EHMT1: variants seen among roughly 807,000 people sequenced by gnomAD.
EHMT1 encodes the protein euchromatic histone lysine methyltransferase 1, also known as histone-lysine N-methyltransferase EHMT1.
EHMT1 carries 15 observed loss-of-function variants against 147.2 expected under a neutral mutation model. The observed-to-expected ratio is 0.10, with a 90% CI of 0.07 to 0.16. The LOEUF (loss-of-function observed/expected upper bound fraction) is 0.16, where lower values mean the gene tolerates loss of function less well. EHMT1 is among the 10% of genes least tolerant of loss of function. The pLI, the probability that EHMT1 is intolerant of heterozygous loss-of-function variation, is 1.00. For synonymous variants in EHMT1, 795 were observed against 709.6 expected (o/e 1.12, Z -1.91); for missense variants, 1,587 against 1,772.4 (o/e 0.90, Z 1.88).
At position 137,834,760 on chromosome 9, in the gene EHMT1, G is replaced by T. The variant is rs779131156; in HGVS notation, c.3717-13G>T. 2.0e-5 allele frequency: 32 copies of T among 1,613,514 alleles called. 1 individual carries two copies. In the Admixed American group the frequency reaches 5.2e-4, roughly 26 times the overall value. On this transcript the variant is annotated splice_polypyrimidine_tract_variant and intron_variant, in intron 26 of 26. Coordinates refer to ENST00000460843, the MANE Select transcript of EHMT1 (RefSeq NM_024757.5). ...GGATTCGACTTGGAGCCTTGGTTCT[G>T]TTCCCTCCCCAGGTTTGACTATGGA...
chr9:137,783,971 C>G, intron 15 of EHMT1: 1 of 440,226 alleles, frequency 2.3e-6, no homozygotes, highest in Non-Finnish European at 4.0e-6. Context: ...TTAATAGGAA[C>G]TTTTAGTCCT....
At chr9:137,830,940 A>C (rs1048282168) in intron 25 of EHMT1, among the ~76,000 whole-genome samples, 2 of 152,192 alleles carry the variant, frequency 1.3e-5, no homozygotes, top group South Asian at 2.1e-4. Flanking sequence ...CTTACAAATA[A>C]CAGGAATGTA....
chr9:137,823,513 G>A (rs1327681931), intron 25 of EHMT1: 45 of 284,572 alleles, frequency 1.6e-4, no homozygotes, highest in African/African-American at 7.6e-4. Context: ...CCGGATTCAC[G>A]CCATTCTCCT....
At chr9:137,715,909 T>C in intron 2 of EHMT1, 2 of 896,430 alleles carry the variant, frequency 2.2e-6, no homozygotes, top group Non-Finnish European at 2.7e-6. Flanking sequence ...CGTTAATGCT[T>C]AAGAAATGTT....
chr9:137,663,432 C>T (rs756867163), intron 1 of EHMT1, among the ~76,000 whole-genome samples: 120 of 152,248 alleles, frequency 7.9e-4, no homozygotes, highest in Non-Finnish European at 1.2e-3. Context: ...GTAGCAGCGT[C>T]CTGTGTGCTG....
At chr9:137,790,499 C>T (rs1446668737) in intron 15 of EHMT1, among the ~76,000 whole-genome samples, 1 of 152,210 alleles carries the variant, frequency 6.6e-6, no homozygotes, top group East Asian at 1.9e-4. Context: ...TCCCTCCTGC[C>T]TCCTCTCTGC....
intron 1 of EHMT1, among the ~76,000 whole-genome samples, chr9:137,691,105 C>T (rs112298271): frequency 1.3e-5 from 2 of 151,978 alleles, no homozygotes; most frequent in African/African-American, 4.8e-5. Flanking sequence ...CTCCATTCCT[C>T]CCTCCCCTCA....
In EHMT1 at chr9:137,757,993, C is replaced by A. The variant is rs1453642714; in HGVS notation, c.1483C>A (p.Leu495Met). ...CCTGGATCTCCGAGTCAAAGGAATT[C>A]TGTCTTCACAAGCAGAAGGTGAATG... is the stretch of plus-strand genomic sequence containing the variant. ...DSLDLRVKGI[L>M]SSQAEGLANG... Residue 495 changes from leucine (L) to methionine (M), a missense_variant, in exon 9 of 27, where the codon CTG becomes ATG. Leu to Met is a conservative substitution (Grantham distance 15, BLOSUM62 2). Transcript: ENST00000460843. 1 of 1,614,048 alleles carries A rather than the reference C, an allele frequency of 6.2e-7. No homozygotes were observed. Among genetic ancestry groups the A allele is most frequent in the South Asian group, 1.1e-5 (1 of 91,080 alleles).
chr9:137,728,717 T>C, intron 4 of EHMT1, 188 bp downstream of exon 4: 1 of 693,956 alleles, frequency 1.4e-6, no homozygotes, highest in South Asian at 1.7e-5. Context: ...CTCTAAGCCT[T>C]GTCTCATGCC....
intron 1 of EHMT1, among the ~76,000 whole-genome samples, chr9:137,642,451 G>A (rs1014942018): frequency 3.3e-5 from 5 of 151,874 alleles, no homozygotes; most frequent in Non-Finnish European, 4.4e-5. Context: ...GACTGCAGGC[G>A]TACCACAACG....
chr9:137,652,374 C>T (rs1396950147), intron 1 of EHMT1, among the ~76,000 whole-genome samples: 1 of 152,142 alleles, frequency 6.6e-6, no homozygotes, highest in Non-Finnish European at 1.5e-5. Context: ...GCCACAATGC[C>T]CGGCCAGTGT....
intron 6 of EHMT1, 139 bp from the exon 7 acceptor site, chr9:137,752,192 C>T (rs1949022145): frequency 1.9e-6 from 2 of 1,037,600 alleles, no homozygotes; most frequent in Admixed American, 2.0e-5. Flanking sequence ...CCGGCGGCGC[C>T]CCCGCCCCGC....
At chr9:137,707,227 G>T (rs768556166) in intron 1 of EHMT1, among the ~76,000 whole-genome samples, 2 of 152,230 alleles carry the variant, frequency 1.3e-5, no homozygotes, top group Non-Finnish European at 2.9e-5. Context: ...CGCTGCTTGG[G>T]GGGGCTGGTC....
At chr9:137,734,280 A>G (rs1947351311) in intron 4 of EHMT1, among the ~76,000 whole-genome samples, 1 of 152,260 alleles carries the variant, frequency 6.6e-6, no homozygotes, top group Admixed American at 6.5e-5. Flanking sequence ...GGAAATACCA[A>G]TAAAGAGCTA....
chr9:137,690,982 T>C (rs1356016489), intron 1 of EHMT1, among the ~76,000 whole-genome samples: 1 of 152,230 alleles, frequency 6.6e-6, no homozygotes, highest in African/African-American at 2.4e-5. Context: ...CATTTTTAAG[T>C]ATAAAGCTCA....
chr9:137,779,130 C>T (rs1347948335), intron 13 of EHMT1, among the ~76,000 whole-genome samples: 1 of 152,212 alleles, frequency 6.6e-6, no homozygotes, highest in African/African-American at 2.4e-5. Context: ...GGACAGAGGT[C>T]CACACCATAT....
At chr9:137,802,737 C>T (rs775430428) in intron 18 of EHMT1, 327 of 1,095,482 alleles carry the variant, frequency 3.0e-4, no homozygotes, top group Non-Finnish European at 3.6e-4. Context: ...GGCACGCAGG[C>T]CTCTCTGGAG....
chr9:137,737,305 C>CA, intron 4 of EHMT1, among the ~76,000 whole-genome samples: 1 of 152,166 alleles, frequency 6.6e-6, no homozygotes, highest in Non-Finnish European at 1.5e-5. Context: ...AGCATAAAGA[C>CA]AGACATATAG....
chr9:137,769,355 T>C (rs1398114382), intron 10 of EHMT1, among the ~76,000 whole-genome samples: 1 of 152,216 alleles, frequency 6.6e-6, no homozygotes, highest in Non-Finnish European at 1.5e-5. Context: ...CAAATTTCTG[T>C]CTTTGTGGTA....
Sources: gnomAD v4.1 joint callset for allele counts (sites outside exome capture counted in the v4.1 genomes callset) on GRCh38, gnomAD v4.1.1 for gene constraint, MANE v1.5 for transcripts, NCBI Gene and HGNC (gene_info 2026-07-23, HGNC 2026-07-21) for gene names.